ITFG1: variants seen among roughly 807,000 people sequenced by gnomAD.
The protein encoded by ITFG1 is integrin alpha FG-GAP repeat containing 1.
ITFG1 carries 34 observed loss-of-function variants against 81.8 expected under a neutral mutation model. That is an observed-to-expected ratio of 0.42 (90% CI 0.32 to 0.55). The LOEUF is 0.55. Ranked by LOEUF, ITFG1 falls within the 20% of genes least tolerant of loss-of-function variation. ITFG1 has a pLI of 0.17. For missense variants in ITFG1, 672 were observed against 755.4 expected, an observed-to-expected ratio of 0.89 and a Z score of 1.29; for synonymous variants, 285 against 270.6, an observed-to-expected ratio of 1.05 and a Z score of -0.52.
intron 8 of ITFG1, among the ~76,000 whole-genome samples, chr16:47,334,611 A>G (rs1024150429): frequency 2.9e-4 from 44 of 152,302 alleles, no homozygotes; most frequent in African/African-American, 1.0e-3. Flanking sequence ...AGTTTTATAT[A>G]GGTGGAGAAC....
chr16:47,360,720 C>T (rs944333434), intron 8 of ITFG1, among the ~76,000 whole-genome samples: 1 of 152,160 alleles, frequency 6.6e-6, no homozygotes, highest in Non-Finnish European at 1.5e-5. Context: ...ATCTGATTTA[C>T]TTTCCAGATC....
At chr16:47,332,325 C>T (rs552469128) in intron 8 of ITFG1, among the ~76,000 whole-genome samples, 1 of 152,176 alleles carries the variant, frequency 6.6e-6, no homozygotes, top group South Asian at 2.1e-4. Flanking sequence ...GTTATCCATC[C>T]TTTCAAGGGA....
chr16:47,279,519 C>T (rs900520365), intron 10 of ITFG1, among the ~76,000 whole-genome samples: 1 of 152,288 alleles, frequency 6.6e-6, no homozygotes, highest in African/African-American at 2.4e-5. Context: ...CAATACCACA[C>T]TGTCTTGATT....
chr16:47,162,563 T>G lies in ITFG1; in HGVS notation c.1555A>C (p.Ile519Leu). Residue 519 changes from isoleucine (I) to leucine (L), a missense_variant, in exon 15 of 18, where the codon ATT becomes CTT. Physicochemically the swap from Ile to Leu is conservative, Grantham distance 5 (BLOSUM62 2). Around this residue, in one of 3 missense-constraint regions of ITFG1, gnomAD observed 560 missense variants for 625.7 expected, o/e 0.90. Coordinates refer to ENST00000320640, the MANE Select transcript of ITFG1 (RefSeq NM_030790.5). ...ANFLDHLYVG[I>L]PRPSGEKSIR... Reference sequence around the variant, plus strand: ...ACTTTTTCTCCAGATGGACGGGGAATACCAACGTAGAGATGGTCAAGAAAA... The same window carrying G: ...ACTTTTTCTCCAGATGGACGGGGAAGACCAACGTAGAGATGGTCAAGAAAA... The G allele has an allele frequency of 6.2e-7, 1 of 1,607,224 alleles. No homozygotes were observed. The highest frequency in any genetic ancestry group is 8.5e-7 in the Non-Finnish European group (1 of 1,176,360).
chr16:47,434,656 C>A (rs142953753), intron 5 of ITFG1, among the ~76,000 whole-genome samples: 1 of 152,080 alleles, frequency 6.6e-6, no homozygotes, highest in Non-Finnish European at 1.5e-5. Context: ...CCTCAAAGAC[C>A]GAGAGGCAGA....
In ITFG1 at chr16:47,154,899, A is replaced by G. The variant is rs1266099948; in HGVS notation, c.*820T>C. ...CAATCACCAAAAATTTAGCTTTTCC[A>G]AAGAATATTTCTTCATGCCTGAAAA... On this transcript the variant is annotated 3_prime_UTR_variant, in exon 18 of 18. Coordinates refer to ENST00000320640, the MANE Select transcript of ITFG1 (RefSeq NM_030790.5). The G allele has an allele frequency of 1.3e-5, 2 of 152,244 alleles. No homozygotes were observed. Among genetic ancestry groups the G allele is most frequent in the African/African-American group, 4.8e-5 (2 of 41,474 alleles). The allele number at this position is 152,244 out of a possible 1,614,324, so 9.4% of individuals were successfully genotyped here. A position where few individuals can be genotyped will look rare whatever the true frequency, so the allele number is the denominator to read the frequency against.
chr16:47,404,141 T>A (rs1325153545), intron 6 of ITFG1, among the ~76,000 whole-genome samples: 2 of 151,982 alleles, frequency 1.3e-5, no homozygotes, highest in Non-Finnish European at 2.9e-5. Context: ...GCCAAAAGGG[T>A]TGGGGGCTAG....
chr16:47,257,398 A>C (rs1966152532), intron 12 of ITFG1, among the ~76,000 whole-genome samples: 1 of 152,004 alleles, frequency 6.6e-6, no homozygotes, highest in Admixed American at 6.5e-5. Context: ...AAAGAAAATA[A>C]AATACTTAGG....
chr16:47,453,704 T>C (rs1969416760), intron 3 of ITFG1, among the ~76,000 whole-genome samples: 1 of 152,180 alleles, frequency 6.6e-6, no homozygotes, highest in East Asian at 1.9e-4. Flanking sequence ...TTTTTGATGA[T>C]ATTGGGATTG....
At chr16:47,348,180 C>T (rs983592936) in intron 8 of ITFG1, among the ~76,000 whole-genome samples, 16 of 152,220 alleles carry the variant, frequency 1.1e-4, no homozygotes, top group African/African-American at 3.9e-4. Context: ...GAACGCAACT[C>T]CTCACCAGCA....
chr16:47,188,518 A>C (rs1965253036), intron 14 of ITFG1, among the ~76,000 whole-genome samples: 1 of 150,284 alleles, frequency 6.7e-6, no homozygotes, highest in Non-Finnish European at 1.5e-5. Flanking sequence ...CAAGAACAAA[A>C]AACCAAACAC....
chr16:47,346,620 A>T (rs1224947492), intron 8 of ITFG1, among the ~76,000 whole-genome samples: 1 of 152,226 alleles, frequency 6.6e-6, no homozygotes, highest in African/African-American at 2.4e-5. Flanking sequence ...GGAACATAAG[A>T]GATTATTATG....
At chr16:47,233,639 T>C (rs1362518426) in intron 13 of ITFG1, among the ~76,000 whole-genome samples, 2 of 152,218 alleles carry the variant, frequency 1.3e-5, no homozygotes, top group Non-Finnish European at 2.9e-5. Context: ...GACTTGGGTT[T>C]AACAAAAGCC....
chr16:47,340,722 A>T (rs2151577355), intron 8 of ITFG1, among the ~76,000 whole-genome samples: 1 of 152,326 alleles, frequency 6.6e-6, no homozygotes, highest in South Asian at 2.1e-4. Context: ...CAAAAAGGAG[A>T]TTGGCAGAAT....
intron 5 of ITFG1, among the ~76,000 whole-genome samples, chr16:47,446,367 C>A (rs1213005746): frequency 2.0e-5 from 3 of 152,126 alleles, no homozygotes; most frequent in African/African-American, 4.8e-5. Flanking sequence ...GACCTCTCAG[C>A]AATAATGTCT....
intron 8 of ITFG1, among the ~76,000 whole-genome samples, chr16:47,318,862 G>A (rs1335236507): frequency 6.6e-6 from 1 of 152,028 alleles, no homozygotes; most frequent in Non-Finnish European, 1.5e-5. Context: ...ATGTTGTTTT[G>A]GTTGACAAAT....
chr16:47,160,130 T>TTGG (rs1964778660), intron 16 of ITFG1, among the ~76,000 whole-genome samples: 2 of 151,958 alleles, frequency 1.3e-5, no homozygotes, highest in South Asian at 4.1e-4. Flanking sequence ...TGAGATGTTT[T>TTGG]TGGTAGTTCT....
chr16:47,356,686 G>C (rs1968044197), intron 8 of ITFG1, among the ~76,000 whole-genome samples: 1 of 152,174 alleles, frequency 6.6e-6, no homozygotes, highest in Non-Finnish European at 1.5e-5. Flanking sequence ...TTAAGGTTAA[G>C]CACAGAAAAG....
chr16:47,352,178 C>T (rs900004297), intron 8 of ITFG1, among the ~76,000 whole-genome samples: 2 of 152,182 alleles, frequency 1.3e-5, no homozygotes, highest in African/African-American at 4.8e-5. Flanking sequence ...ATACCAAAAG[C>T]AATGGCAACA....
Sources: gnomAD v4.1 joint callset for allele counts (sites outside exome capture counted in the v4.1 genomes callset) on GRCh38, gnomAD v4.1.1 for gene constraint, gnomAD v4.1.1 regional missense constraint, MANE v1.5 for transcripts, NCBI Gene and HGNC (gene_info 2026-07-23, HGNC 2026-07-21) for gene names.